Variants in ASPSCR1 observed in about 807,000 individuals in gnomAD.
ASPSCR1 encodes ASPSCR1 tether for SLC2A4, UBX domain containing.
Under a neutral mutation model 68.9 loss-of-function variants are expected in ASPSCR1, and 55 were observed. That is an observed-to-expected ratio of 0.80 (90% confidence interval 0.64 to 1.00). ASPSCR1 has a LOEUF of 1.00. Ranked by LOEUF, ASPSCR1 falls within the 50% of genes least tolerant of loss-of-function variation. ASPSCR1 has a pLI of 0.00. For missense variants in ASPSCR1, 765 were observed against 762.2 expected, an observed-to-expected ratio of 1.00 and a Z score of -0.04; for synonymous variants, 352 against 332.6, an observed-to-expected ratio of 1.06 and a Z score of -0.63.
Position 81,979,343 on chromosome 17 carries a change from G to A in ASPSCR1, c.158+104G>A. 3.1e-6 allele frequency: 4 copies of A among 1,300,654 alleles called. No homozygotes were observed. In the South Asian group the frequency reaches 3.6e-5, roughly 12 times the overall value. 80.6% of individuals were successfully genotyped at this position (1,300,654 alleles called of 1,614,324 possible). ...AAAAGCCCCCAGGTGGTTTTAAACA[G>A]TCATATATTCCCTCCCAACTCTGGA... On this transcript the variant is annotated intron_variant, in intron 2 of 15. Transcript: ENST00000306739.
intron 12 of ASPSCR1, chr17:82,014,746 G>A (rs866398894): frequency 4.2e-5 from 17 of 407,214 alleles, no homozygotes; most frequent in South Asian, 8.2e-5. Flanking sequence ...TTGCTGCCCC[G>A]TGGGGGTTGA....
At chr17:82,006,244 A>G (rs2042715914) in intron 7 of ASPSCR1, 1 of 136,180 alleles carries the variant, frequency 7.3e-6, no homozygotes. Context: ...TTGCGGGTGC[A>G]TGTGCATGCT....
chr17:81,981,602 G>C (rs2041797976), intron 2 of ASPSCR1, among the ~76,000 whole-genome samples: 1 of 151,972 alleles, frequency 6.6e-6, no homozygotes, highest in South Asian at 2.1e-4. Context: ...TGGTCTTCAA[G>C]TCCTGACCTC....
chr17:81,985,423 C>T (rs1352774504), intron 3 of ASPSCR1, 84 bp from the exon 4 acceptor site: 12 of 1,435,978 alleles, frequency 8.4e-6, no homozygotes, highest in African/African-American at 5.6e-5. Context: ...GTCACCCTCT[C>T]TGTGTCTGGA....
rs894333833 is a variant in ASPSCR1 at position 81,986,494 on chromosome 17, C to T, written c.374+887C>T. On this transcript the variant is annotated intron_variant, in intron 4 of 15. Transcript: ENST00000306739. This position sits in a 1 kb window ranked among gnomAD's most constrained non-coding sequence, Gnocchi z 5.2. ...AGTTTCTGTCGGTTAATGGTTTAAA[C>T]GTTGTTCCTGAATGTGTAAAAATTG... is the stretch of plus-strand genomic sequence containing the variant. Among the ~76,000 whole-genome samples, 3 of 152,170 alleles carry T rather than the reference C, an allele frequency of 2.0e-5. No individual in the cohort carries two copies. The highest frequency in any genetic ancestry group is 4.4e-5 in the Non-Finnish European group (3 of 68,034).
intron 7 of ASPSCR1, chr17:82,008,651 G>A: frequency 5.5e-6 from 1 of 181,936 alleles, no homozygotes; most frequent in South Asian, 1.8e-4. Flanking sequence ...GGGCAGCGGG[G>A]GCAGCTGGAC....
At chr17:81,997,088 C>A (rs557699653) in intron 7 of ASPSCR1, among the ~76,000 whole-genome samples, 1 of 150,342 alleles carries the variant, frequency 6.7e-6, no homozygotes, top group African/African-American at 2.4e-5. Context: ...GTGTCTGCTC[C>A]GGGATGAGGC....
At chr17:82,008,713 C>A (rs1327738124) in intron 7 of ASPSCR1, 14 of 288,238 alleles carry the variant, frequency 4.9e-5, no homozygotes, top group African/African-American at 2.2e-5. Context: ...CCCTCCCCCC[C>A]ATGGAGACCC....
At chr17:82,005,796 G>A (rs2042692826) in intron 7 of ASPSCR1, 1 of 152,296 alleles carries the variant, frequency 6.6e-6, no homozygotes, top group Non-Finnish European at 1.5e-5. Flanking sequence ...CACAGCCCCT[G>A]TCGGGATGTG....
intron 4 of ASPSCR1, among the ~76,000 whole-genome samples, chr17:81,993,707 C>T (rs2144035447): frequency 6.6e-6 from 1 of 152,380 alleles, no homozygotes; most frequent in East Asian, 1.9e-4. Flanking sequence ...CCCTCTGACC[C>T]TCCCAGTACC....
chr17:81,988,849 C>T (rs908691322), intron 4 of ASPSCR1, among the ~76,000 whole-genome samples: 1 of 152,166 alleles, frequency 6.6e-6, no homozygotes, highest in Non-Finnish European at 1.5e-5. Flanking sequence ...TGCACCTGGT[C>T]ACCCACCCCA....
intron 7 of ASPSCR1, among the ~76,000 whole-genome samples, chr17:82,003,305 G>C (rs1426517666): frequency 1.3e-5 from 2 of 152,168 alleles, no homozygotes; most frequent in East Asian, 3.8e-4. Context: ...AAAATTAGTA[G>C]GGCGTGATGG....
chr17:81,996,874 T>TG, intron 7 of ASPSCR1, 28 bp downstream of exon 7: 1 of 1,550,060 alleles, frequency 6.5e-7, no homozygotes, highest in Non-Finnish European at 8.7e-7. Context: ...CCTTGGGACT[T>TG]GGGGGTGTCC....
At chr17:82,010,074 G>A in intron 9 of ASPSCR1, 1 of 318,048 alleles carries the variant, frequency 3.1e-6, no homozygotes, top group Non-Finnish European at 6.1e-6. Context: ...CACTAGCTCG[G>A]CTAATTTTTG....
intron 7 of ASPSCR1, 121 bp from the exon 8 acceptor site, chr17:82,008,916 C>G: frequency 1.5e-6 from 2 of 1,340,906 alleles, no homozygotes; most frequent in East Asian, 2.8e-5. Flanking sequence ...TGGCCGGGGC[C>G]AGGGAGGGAG....
rs2042111591 is a variant in ASPSCR1 at position 81,990,067 on chromosome 17, A to T, written c.374+4460A>T. ...TGAGATTACAGGCGTGAGCCACCAC[A>T]CCTGGCCAATCACTCACTTTTTCTT... is the stretch of plus-strand genomic sequence containing the variant. On this transcript the variant is annotated intron_variant, in intron 4 of 15. Coordinates refer to ENST00000306739, the MANE Select transcript of ASPSCR1 (RefSeq NM_024083.4). The surrounding 1 kb of genome is among the most constrained non-coding windows in gnomAD (Gnocchi z 4.1). 6.6e-6 allele frequency among the ~76,000 whole-genome samples: 1 copy of T among 152,188 alleles called. No individual in the cohort carries two copies. Among genetic ancestry groups the T allele is most frequent in the African/African-American group, 2.4e-5 (1 of 41,450 alleles).
Position 81,986,817 on chromosome 17 carries a change from G to C in ASPSCR1, c.374+1210G>C, listed in dbSNP as rs987613183. Among the ~76,000 whole-genome samples, 4 of 151,844 alleles carry C rather than the reference G, an allele frequency of 2.6e-5. No individual in the cohort carries two copies. Among genetic ancestry groups the C allele is most frequent in the African/African-American group, 9.7e-5 (4 of 41,196 alleles). ...GGGCTGGGCCTGCTCCCGTCTGACA[G>C]TAGTGCCGCGCTGCATGGCACGGGT... On this transcript the variant is annotated intron_variant, in intron 4 of 15. Transcript: ENST00000306739. The surrounding 1 kb of genome is among the most constrained non-coding windows in gnomAD (Gnocchi z 5.2).
rs770278210 is a variant in ASPSCR1, at chr17:82,017,307, A to G, written c.1649-2A>G. On this transcript the variant is annotated splice_acceptor_variant, in intron 15 of 15. Coordinates refer to ENST00000306739, the MANE Select transcript of ASPSCR1 (RefSeq NM_024083.4). LOFTEE classifies it high-confidence loss of function. ...GGTCACCCTGATGTGTCTGCACTAC[A>G]GCCAGCAAGAGGTGAGAGCTGCCAG... is the stretch of plus-strand genomic sequence containing the variant. 8 of 1,611,384 alleles carry G rather than the reference A, an allele frequency of 5.0e-6. No homozygotes were observed. The highest frequency in any genetic ancestry group is 6.8e-6 in the Non-Finnish European group (8 of 1,179,940).
chr17:81,982,636 C>G (rs1017460338), intron 2 of ASPSCR1: 5 of 152,264 alleles, frequency 3.3e-5, no homozygotes, highest in Non-Finnish European at 5.9e-5. Flanking sequence ...TGTCTGAACT[C>G]TCTTCACTAG....
Sources: gnomAD v4.1 joint callset for allele counts (sites outside exome capture counted in the v4.1 genomes callset) on GRCh38, gnomAD v4.1.1 for gene constraint, Gnocchi (gnomAD v3.1) non-coding constraint, MANE v1.5 for transcripts, NCBI Gene and HGNC (gene_info 2026-07-23, HGNC 2026-07-21) for gene names.